DIXDC1: variants seen among roughly 807,000 people sequenced by gnomAD.
The protein encoded by DIXDC1 is DIX domain containing 1, also known as dixin.
In DIXDC1, 64 loss-of-function variants were observed where a neutral mutation model predicts 103.1. That is an observed-to-expected ratio of 0.62 (90% CI 0.51 to 0.76). DIXDC1 has a LOEUF of 0.76. DIXDC1 is among the 30% of genes least tolerant of loss of function. The pLI is 0.00. For missense variants in DIXDC1, 759 were observed against 834.2 expected (o/e 0.91, Z 1.11); for synonymous variants, 266 against 298.5 (o/e 0.89, Z 1.12).
rs1439200094 is a variant in DIXDC1, at chr11:112,017,221, C to G, written c.1862+425C>G. ...CCTATTGAGAAATTATGTCAAAAAC[C>G]TTCCAGAAAGTTAATGTGCTTCCTT... On this transcript the variant is annotated intron_variant, in intron 18 of 19. Coordinates refer to ENST00000440460, the MANE Select transcript of DIXDC1 (RefSeq NM_001037954.4). This position sits in a 1 kb window ranked among gnomAD's most constrained non-coding sequence, Gnocchi z 4.0. Among the ~76,000 whole-genome samples, 1 of 152,112 alleles carries G rather than the reference C, an allele frequency of 6.6e-6. No individual in the cohort carries two copies.
At chr11:111,938,263 G>A (rs1966289145) in intron 1 of DIXDC1, among the ~76,000 whole-genome samples, 1 of 152,110 alleles carries the variant, frequency 6.6e-6, no homozygotes, top group Non-Finnish European at 1.5e-5. Context: ...TTACAATTCT[G>A]TTTATTGCAT....
At chr11:111,931,131 G>A (rs1341763808) in intron 2 of DIXDC1, among the ~76,000 whole-genome samples, 2 of 151,888 alleles carry the variant, frequency 1.3e-5, no homozygotes, top group African/African-American at 4.8e-5. Flanking sequence ...TGGGATTACA[G>A]GTGTGAGCCA....
In DIXDC1 at chr11:111,996,138, CT is replaced by C. The variant is rs1435470061; in HGVS notation, c.1749del (p.Asn584ThrfsTer42). ...AGTGAATACCGGGAGTCCTGGCCCCCTAACTCAAGTAAGTACCCATTTTTGC... is the reference window on the plus strand; with the variant it reads ...AGTGAATACCGGGAGTCCTGGCCCCCAACTCAAGTAAGTACCCATTTTTGC... Reference protein sequence around the residue: ...VGSEYRESWPPNSKLPHSQSS... With the variant: ...VGSEYRESWPXNSKLPHSQSS... On this transcript the variant is annotated frameshift_variant, in exon 17 of 20. Coordinates refer to ENST00000440460, the MANE Select transcript of DIXDC1 (RefSeq NM_001037954.4). LOFTEE classifies it high-confidence loss of function. The C allele has an allele frequency of 1.2e-6, 2 of 1,613,382 alleles. No homozygotes were observed. Among genetic ancestry groups the C allele is most frequent in the African/African-American group, 2.7e-5 (2 of 74,882 alleles).
At position 111,975,806 on chromosome 11, in the gene DIXDC1, T is replaced by TC; in HGVS notation, c.656+824dup. ...CCTTGTTTTCTTCCTCCTATTTTTT[T>TC]CTCATAAAACTCCATCCTATTTTAA... On this transcript the variant is annotated intron_variant, in intron 5 of 19. Coordinates refer to ENST00000440460, the MANE Select transcript of DIXDC1 (RefSeq NM_001037954.4). 3 of 985,476 alleles carry TC rather than the reference T, an allele frequency of 3.0e-6. No homozygotes were observed. The South Asian group carries it at 1.4e-4, about 46-fold the overall frequency. The allele number at this position is 985,476 out of a possible 1,614,324, so 61.0% of individuals were successfully genotyped here.
chr11:112,017,748 T>C lies in DIXDC1; in HGVS notation c.1863-29T>C. 4.5e-6 allele frequency: 7 copies of C among 1,560,328 alleles called. No homozygotes were observed. The highest frequency in any genetic ancestry group is 6.1e-6 in the Non-Finnish European group (7 of 1,140,860). On this transcript the variant is annotated intron_variant, in intron 18 of 19. Coordinates refer to ENST00000440460, the MANE Select transcript of DIXDC1 (RefSeq NM_001037954.4). The surrounding 1 kb of genome is among the most constrained non-coding windows in gnomAD (Gnocchi z 4.0). ...TCTTTCCAGCTATTGATCAACAGTCTATTTTAGTGCTCTCTCCTTGTGTTG... is the reference window on the plus strand; with the variant it reads ...TCTTTCCAGCTATTGATCAACAGTCCATTTTAGTGCTCTCTCCTTGTGTTG...
At chr11:111,971,695 C>T (rs1328072567) in intron 3 of DIXDC1, among the ~76,000 whole-genome samples, 4 of 151,224 alleles carry the variant, frequency 2.6e-5, no homozygotes, top group Non-Finnish European at 5.9e-5. Context: ...TGCCCATCAA[C>T]AGTGCAGTGA....
At chr11:112,012,276 G>A (rs2137634810) in intron 17 of DIXDC1, among the ~76,000 whole-genome samples, 1 of 152,298 alleles carries the variant, frequency 6.6e-6, no homozygotes, top group South Asian at 2.1e-4. Context: ...TGAAAAAGAT[G>A]AACAGTGCAG....
chr11:111,982,675 C>T (rs1555173387), intron 7 of DIXDC1, among the ~76,000 whole-genome samples, 188 bp downstream of exon 7: 1 of 152,196 alleles, frequency 6.6e-6, no homozygotes, highest in Non-Finnish European at 1.5e-5. Context: ...ACTTTGTGGG[C>T]TACCGTTCAT....
intron 17 of DIXDC1, among the ~76,000 whole-genome samples, chr11:112,003,076 C>A (rs587738360): frequency 6.6e-6 from 1 of 152,014 alleles, no homozygotes; most frequent in Non-Finnish European, 1.5e-5. Context: ...TTGGTGGTAA[C>A]CAGAGGCTGG....
intron 1 of DIXDC1, among the ~76,000 whole-genome samples, chr11:111,949,401 C>T (rs1256078012): frequency 2.0e-5 from 3 of 152,204 alleles, no homozygotes; most frequent in African/African-American, 4.8e-5. Flanking sequence ...GCCAGTCATT[C>T]GGGTCCAACA....
intron 1 of DIXDC1, among the ~76,000 whole-genome samples, chr11:111,928,946 C>T (rs1419357228): frequency 6.6e-6 from 1 of 152,028 alleles, no homozygotes; most frequent in Non-Finnish European, 1.5e-5. Context: ...AATCCTAGCA[C>T]TTAGGAGGCC....
intron 9 of DIXDC1, 68 bp from the exon 10 acceptor site, chr11:111,988,937 A>G (rs1555174177): frequency 7.3e-7 from 1 of 1,374,186 alleles, no homozygotes; most frequent in East Asian, 2.4e-5. Context: ...TCTTGCCGAC[A>G]GAATGAGGTA....
chr11:112,013,840 G>T (rs1861505528), intron 17 of DIXDC1, among the ~76,000 whole-genome samples: 1 of 152,168 alleles, frequency 6.6e-6, no homozygotes. Flanking sequence ...AAAGAGGTTT[G>T]TTTGGCTCAC....
chr11:111,986,986 C>T lies in DIXDC1; in HGVS notation c.1062+62C>T, dbSNP rs375764025. The stretch of plus-strand genomic sequence containing the variant: ...ATTATGGGGGCCAGGCACGGTGGCT[C>T]GCGCCTGTAATCCCAGCACTTTGAG... On this transcript the variant is annotated intron_variant, in intron 9 of 19. Coordinates refer to ENST00000440460, the MANE Select transcript of DIXDC1 (RefSeq NM_001037954.4). 8.2e-4 allele frequency: 1,164 copies of T among 1,420,382 alleles called. 7 individuals carry two copies. The African/African-American group carries it at 0.014, about 17-fold the overall frequency. The allele number at this position is 1,420,382 out of a possible 1,614,324, so 88.0% of individuals were successfully genotyped here. A position where few individuals can be genotyped will look rare whatever the true frequency, so the allele number is the denominator to read the frequency against.
At chr11:111,927,374 C>G (rs1965858161) in exon 1 of DIXDC1, 1 of 152,416 alleles carries the variant, frequency 6.6e-6, no homozygotes, top group African/African-American at 2.4e-5. Flanking sequence ...CCAGACGGAC[C>G]CATCATTTAA....
chr11:111,988,903 G>A (rs782144186), intron 9 of DIXDC1, 102 bp from the exon 10 acceptor site: 48 of 995,156 alleles, frequency 4.8e-5, no homozygotes, highest in African/African-American at 8.2e-5. Context: ...AATTTTTCAC[G>A]GAATGATCAA....
chr11:111,995,421 G>C lies in DIXDC1; in HGVS notation c.1546G>C (p.Val516Leu). The stretch of plus-strand genomic sequence containing the variant: ...CCCACAGACCAGCGACCTGCAGCTT[G>C]TTCGAGATGCTCTCCGCAGCCTGCG... ...SNRGTSDLQLVRDALRSLRNS... is the reference protein window; with the variant it reads ...SNRGTSDLQLLRDALRSLRNS... Residue 516 changes from valine to leucine, a missense_variant, in exon 16 of 20, where the codon GTT becomes CTT. This residue lies in a region of DIXDC1 where 657 missense variants were observed against 727.5 expected (regional missense o/e 0.90). Transcript: ENST00000440460. 1 of 1,612,878 alleles carries C rather than the reference G, an allele frequency of 6.2e-7. No individual in the cohort carries two copies. The highest frequency in any genetic ancestry group is 8.5e-7 in the Non-Finnish European group (1 of 1,179,904).
intron 17 of DIXDC1, among the ~76,000 whole-genome samples, chr11:112,000,963 T>C (rs1861048122): frequency 6.6e-6 from 1 of 152,102 alleles, no homozygotes; most frequent in African/African-American, 2.4e-5. Context: ...CCCAAAAGAA[T>C]TGAAAACAGG....
intron 17 of DIXDC1, among the ~76,000 whole-genome samples, chr11:111,997,132 A>T (rs1860927435): frequency 6.6e-6 from 1 of 152,258 alleles, no homozygotes; most frequent in Admixed American, 6.5e-5. Context: ...AAATAGTAAA[A>T]AGCTGACTAG....
Sources: allele counts gnomAD v4.1 joint callset (sites outside exome capture counted in the v4.1 genomes callset), GRCh38; gene constraint gnomAD v4.1.1; regional missense constraint gnomAD v4.1.1; non-coding constraint Gnocchi (gnomAD v3.1); transcripts MANE v1.5; gene names NCBI Gene and HGNC (gene_info 2026-07-23, HGNC 2026-07-21).